NAALADL2: variants seen among roughly 807,000 people sequenced by gnomAD.
The protein encoded by NAALADL2 is N-acetylated alpha-linked acidic dipeptidase like 2, also known as inactive N-acetylated-alpha-linked acidic dipeptidase-like protein 2.
In NAALADL2, 76 loss-of-function variants were observed where a neutral mutation model predicts 87.2. The observed-to-expected ratio is 0.87, with a 90% confidence interval of 0.72 to 1.05. NAALADL2 has a LOEUF of 1.05. NAALADL2 is among the 50% of genes least tolerant of loss of function. The pLI is 0.00. For missense variants in NAALADL2, 1,089 were observed against 945.8 expected (o/e 1.15, Z -1.99); for synonymous variants, 354 against 331.0 (o/e 1.07, Z -0.75).
intron 1 of NAALADL2, among the ~76,000 whole-genome samples, chr3:174,475,940 G>A (rs60828470): frequency 6.6e-6 from 1 of 152,006 alleles, no homozygotes; most frequent in South Asian, 2.1e-4. Flanking sequence ...CAAGGGATAA[G>A]TGCCATTCAG....
intron 2 of NAALADL2, among the ~76,000 whole-genome samples, chr3:174,607,493 CAAAA>C (rs1311346904): frequency 6.8e-6 from 1 of 148,042 alleles, no homozygotes; most frequent in Admixed American, 6.7e-5. Context: ...AAATGGAAAA[CAAAA>C]AAAGGCAGGG....
chr3:175,314,678 A>C (rs1255184345), intron 4 of NAALADL2, among the ~76,000 whole-genome samples: 1 of 9,598 alleles, frequency 1.0e-4, no homozygotes, highest in Admixed American at 9.7e-4. Flanking sequence ...ATATATATAT[A>C]TATATATATA....
chr3:174,725,916 G>A (rs1006768921), intron 2 of NAALADL2, among the ~76,000 whole-genome samples: 10 of 152,134 alleles, frequency 6.6e-5, no homozygotes, highest in African/African-American at 2.4e-4. Flanking sequence ...CACATTTCAG[G>A]AGATCAGTTT....
At chr3:175,354,036 C>T (rs1764080648) in intron 5 of NAALADL2, among the ~76,000 whole-genome samples, 1 of 152,172 alleles carries the variant, frequency 6.6e-6, no homozygotes, top group African/African-American at 2.4e-5. Context: ...TTGTGTACCA[C>T]TGCAGCTTTT....
intron 13 of NAALADL2, among the ~76,000 whole-genome samples, chr3:175,777,884 C>T (rs1750459717): frequency 6.6e-6 from 1 of 152,104 alleles, no homozygotes; most frequent in Admixed American, 6.6e-5. Flanking sequence ...CAATAATTTA[C>T]CGTGATCCTT....
intron 1 of NAALADL2, among the ~76,000 whole-genome samples, chr3:174,904,774 C>T (rs1286691740): frequency 6.6e-6 from 1 of 151,736 alleles, no homozygotes; most frequent in Non-Finnish European, 1.5e-5. Flanking sequence ...TAGCTTGAGG[C>T]AATAATTCAC....
At position 175,760,569 on chromosome 3, in the gene NAALADL2, T is replaced by C. The variant is rs575998361; in HGVS notation, c.2189+5151T>C. Among the ~76,000 whole-genome samples, 3 of 152,308 alleles carry C rather than the reference T, an allele frequency of 2.0e-5. No individual in the cohort carries two copies. The East Asian group carries it at 5.8e-4, about 29-fold the overall frequency. On this transcript the variant is annotated intron_variant, in intron 13 of 13. Coordinates refer to ENST00000454872, the MANE Select transcript of NAALADL2 (RefSeq NM_207015.3). Reference sequence around the variant, plus strand: ...ATTACAAAGCATCACAAAATATCAGTACTATCAAATCCAGCAGTGTGAAAT... The same window carrying C: ...ATTACAAAGCATCACAAAATATCAGCACTATCAAATCCAGCAGTGTGAAAT...
chr3:175,522,175 A>T (rs1677191353), intron 9 of NAALADL2, among the ~76,000 whole-genome samples: 1 of 152,172 alleles, frequency 6.6e-6, no homozygotes, highest in Non-Finnish European at 1.5e-5. Context: ...TCTTTGCTTT[A>T]TTCTCTTCTA....
chr3:174,684,311 G>C (rs981788492), intron 2 of NAALADL2, among the ~76,000 whole-genome samples: 2 of 151,990 alleles, frequency 1.3e-5, no homozygotes, highest in Non-Finnish European at 2.9e-5. Flanking sequence ...GACTGAATGG[G>C]TATTCAAGAT....
chr3:175,801,724 G>A (rs1754175055), intron 13 of NAALADL2, among the ~76,000 whole-genome samples: 1 of 151,974 alleles, frequency 6.6e-6, no homozygotes, highest in African/African-American at 2.4e-5. Context: ...TTATTTACCT[G>A]TTTGCCTCCC....
At chr3:174,587,605 T>C (rs553832475) in intron 2 of NAALADL2, among the ~76,000 whole-genome samples, 1 of 152,336 alleles carries the variant, frequency 6.6e-6, no homozygotes, top group Admixed American at 6.5e-5. Context: ...TGCTTCTCTG[T>C]AAAGGATTTT....
chr3:175,356,577 A>AATAATAAT (rs1764391158), intron 5 of NAALADL2, among the ~76,000 whole-genome samples: 2 of 21,182 alleles, frequency 9.4e-5, no homozygotes, highest in Non-Finnish European at 1.8e-4. Context: ...CCTGTGTCAA[A>AATAATAAT]ATAATAATAA....
chr3:175,718,129 A>G, intron 11 of NAALADL2: 1 of 1,030,546 alleles, frequency 9.7e-7, no homozygotes, highest in Middle Eastern at 3.2e-4. Context: ...ACGTATCTAG[A>G]AAATTTACTA....
intron 1 of NAALADL2, among the ~76,000 whole-genome samples, chr3:175,079,058 G>A (rs1323278935): frequency 6.6e-5 from 10 of 152,116 alleles, no homozygotes; most frequent in African/African-American, 2.4e-4. Context: ...AGCAACGTAT[G>A]GGGTTCTAAT....
At chr3:175,181,695 A>ATGTG (rs373684925) in intron 2 of NAALADL2, among the ~76,000 whole-genome samples, 1 of 56,812 alleles carries the variant, frequency 1.8e-5, no homozygotes, top group Non-Finnish European at 4.0e-5. Context: ...ATATATATAT[A>ATGTG]TATATATATG....
rs574724650 is a variant in NAALADL2 at position 175,024,692 on chromosome 3, GAGTGAAAAAGAGC to G, written c.44-72094_44-72082del. Among the ~76,000 whole-genome samples the G allele has an allele frequency of 3.3e-3, 495 of 151,866 alleles. 3 individuals carry two copies. Among genetic ancestry groups the G allele is most frequent in the Middle Eastern group, 0.014 (4 of 294 alleles). Reference sequence around the variant, plus strand: ...AATAGTATAGGAGAACAGGATATCAGAGTGAAAAAGAGCAGTAATTATCTTATTTTTTTTCAGT... The same window carrying G: ...AATAGTATAGGAGAACAGGATATCAGAGTAATTATCTTATTTTTTTTCAGT... On this transcript the variant is annotated intron_variant, in intron 1 of 13. Coordinates refer to ENST00000454872, the MANE Select transcript of NAALADL2 (RefSeq NM_207015.3).
chr3:175,110,720 A>G (rs1279967969), intron 2 of NAALADL2, among the ~76,000 whole-genome samples: 2 of 151,866 alleles, frequency 1.3e-5, no homozygotes, highest in East Asian at 1.9e-4. Flanking sequence ...TATTACTACA[A>G]TAACCTATAA....
chr3:175,021,515 G>A (rs1751560937), intron 1 of NAALADL2, among the ~76,000 whole-genome samples: 1 of 151,972 alleles, frequency 6.6e-6, no homozygotes, highest in Non-Finnish European at 1.5e-5. Context: ...CAATTTGAGT[G>A]CACTAATAAA....
intron 13 of NAALADL2, among the ~76,000 whole-genome samples, chr3:175,770,938 A>G (rs1158080873): frequency 6.6e-6 from 1 of 152,214 alleles, no homozygotes; most frequent in Admixed American, 6.5e-5. Context: ...GATAGCTTTG[A>G]ACAACTAAAG....
Sources: allele counts gnomAD v4.1 joint callset (sites outside exome capture counted in the v4.1 genomes callset), GRCh38; gene constraint gnomAD v4.1.1; transcripts MANE v1.5; gene names NCBI Gene and HGNC (gene_info 2026-07-23, HGNC 2026-07-21).